The following CTNNA2 variants were observed in gnomAD, a reference collection of about 807,000 sequenced individuals.
The protein encoded by CTNNA2 is catenin alpha-2.
Under a neutral mutation model 101.0 loss-of-function variants are expected in CTNNA2, and 42 were observed. The observed-to-expected ratio is 0.42, with a 90% confidence interval of 0.32 to 0.54. The LOEUF (loss-of-function observed/expected upper bound fraction) is 0.54, where lower values mean the gene tolerates loss of function less well. Among genes scored for constraint, CTNNA2 ranks in the 20% least tolerant of loss-of-function variants. The pLI is 0.14. For missense variants in CTNNA2, 871 were observed against 1,223.1 expected (o/e 0.71, Z 4.29); for synonymous variants, 450 against 456.4 (o/e 0.99, Z 0.18).
At chr2:79,803,435 G>C (rs901684133) in intron 3 of CTNNA2, among the ~76,000 whole-genome samples, 1 of 152,210 alleles carries the variant, frequency 6.6e-6, no homozygotes, top group African/African-American at 2.4e-5. Context: ...CTAACTAAAA[G>C]TATCCCTTAT....
intron 1 of CTNNA2, among the ~76,000 whole-genome samples, chr2:79,521,478 A>T (rs1019121318): frequency 6.6e-6 from 1 of 151,998 alleles, no homozygotes; most frequent in Admixed American, 6.6e-5. Context: ...ACTGAATCAC[A>T]TGGACATTCC....
rs150805811 is a variant in CTNNA2 at position 79,995,702 on chromosome 2, C to A, written c.1056+85905C>A. Among the ~76,000 whole-genome samples the A allele has an allele frequency of 1.4e-3, 206 of 152,154 alleles. 2 individuals carry two copies. The East Asian group carries it at 0.037, about 27-fold the overall frequency. ...GGTGGTGCATCCCTGTGGTCCCAGGCAGTTGGTGGCTGAGGTGGGAGGATC... is the reference window on the plus strand; with the variant it reads ...GGTGGTGCATCCCTGTGGTCCCAGGAAGTTGGTGGCTGAGGTGGGAGGATC... On this transcript the variant is annotated intron_variant, in intron 7 of 18. Coordinates refer to ENST00000402739, the MANE Select transcript of CTNNA2 (RefSeq NM_001282597.3).
intron 7 of CTNNA2, among the ~76,000 whole-genome samples, chr2:80,283,711 G>A (rs556555418): frequency 6.0e-4 from 91 of 152,226 alleles, no homozygotes; most frequent in African/African-American, 2.0e-3. Context: ...GAGAGAAGCT[G>A]GAAAGAGTGC....
intron 3 of CTNNA2, among the ~76,000 whole-genome samples, chr2:79,794,602 G>A (rs778702096): frequency 3.9e-5 from 6 of 151,904 alleles, no homozygotes; most frequent in African/African-American, 7.3e-5. Context: ...AGATCTACCC[G>A]CTTAGCAAGT....
chr2:79,913,906 G>A (rs112161657), intron 7 of CTNNA2, among the ~76,000 whole-genome samples: 1,795 of 151,964 alleles, frequency 0.012, 13 homozygotes, highest in Middle Eastern at 0.034. Context: ...GGTGGCTCAC[G>A]CCTGTAATCC....
At chr2:79,678,969 G>A (rs867977814) in intron 2 of CTNNA2, among the ~76,000 whole-genome samples, 1 of 152,034 alleles carries the variant, frequency 6.6e-6, no homozygotes, top group Non-Finnish European at 1.5e-5. Flanking sequence ...GCTTTCACTG[G>A]CTCTCCCTCC....
In CTNNA2 at chr2:80,555,859, G is replaced by C; in HGVS notation, c.1707G>C (p.Lys569Asn). Reference sequence around the variant, plus strand: ...ATGAAGCTGGGGTTTATACTGAGAAGGTGTTGGAAGCTACAAAATTGCTTT... The same window carrying C: ...ATGAAGCTGGGGTTTATACTGAGAACGTGTTGGAAGCTACAAAATTGCTTT... Reference protein sequence around the residue: ...ENYEAGVYTEKVLEATKLLSE... With the variant: ...ENYEAGVYTENVLEATKLLSE... The change falls in exon 12 of 19, where the codon AAG becomes AAC. Residue 569 changes from lysine (K) to asparagine (N), a missense_variant. Physicochemically the swap from Lys to Asn is moderately conservative, Grantham distance 94 (BLOSUM62 0). Coordinates refer to ENST00000402739, the MANE Select transcript of CTNNA2 (RefSeq NM_001282597.3). 6.4e-7 allele frequency: 1 copy of C among 1,566,924 alleles called. No individual in the cohort carries two copies. Among genetic ancestry groups the C allele is most frequent in the African/African-American group, 1.4e-5 (1 of 73,564 alleles).
At chr2:79,631,214 T>A (rs1201588412) in intron 1 of CTNNA2, among the ~76,000 whole-genome samples, 1 of 152,216 alleles carries the variant, frequency 6.6e-6, no homozygotes, top group Admixed American at 6.5e-5. Flanking sequence ...TGGTAACTCT[T>A]GATTTTCCTT....
At chr2:79,241,032 T>C (rs957617368) in intron 2 of CTNNA2, among the ~76,000 whole-genome samples, 8 of 152,182 alleles carry the variant, frequency 5.3e-5, no homozygotes, top group Admixed American at 3.3e-4. Flanking sequence ...TGGTAAGGAA[T>C]TTTTCACAGA....
At chr2:80,419,826 A>T (rs1026701233) in intron 9 of CTNNA2, among the ~76,000 whole-genome samples, 1 of 151,938 alleles carries the variant, frequency 6.6e-6, no homozygotes, top group Admixed American at 6.6e-5. Context: ...GCTCTGAAAC[A>T]TATCTGCCAT....
At chr2:80,210,680 G>A (rs184413411) in intron 7 of CTNNA2, among the ~76,000 whole-genome samples, 1 of 152,154 alleles carries the variant, frequency 6.6e-6, no homozygotes, top group Non-Finnish European at 1.5e-5. Flanking sequence ...ACACATGTGT[G>A]CCTGTGTCTT....
At position 79,943,178 on chromosome 2, in the gene CTNNA2, T is replaced by C. The variant is rs549933518; in HGVS notation, c.1056+33381T>C. ...GTTGCAGTGAGCCGAAATCACGCAA[T>C]TGTATTCCAGCCTGGGCAACAAAAG... On this transcript the variant is annotated intron_variant, in intron 7 of 18. Coordinates refer to ENST00000402739, the MANE Select transcript of CTNNA2 (RefSeq NM_001282597.3). Among the ~76,000 whole-genome samples the C allele has an allele frequency of 7.2e-5, 11 of 152,086 alleles. No individual in the cohort carries two copies. In the South Asian group the frequency reaches 1.2e-3, roughly 17 times the overall value.
At position 79,610,215 on chromosome 2, in the gene CTNNA2, G is replaced by A. The variant is rs180732762; in HGVS notation, c.-5-41337G>A. Among the ~76,000 whole-genome samples the A allele has an allele frequency of 6.0e-4, 91 of 152,200 alleles. 1 individual carries two copies. The highest frequency in any genetic ancestry group is 5.0e-3 in the South Asian group (24 of 4,826). On this transcript the variant is annotated intron_variant, in intron 1 of 18. Coordinates refer to ENST00000402739, the MANE Select transcript of CTNNA2 (RefSeq NM_001282597.3). The stretch of plus-strand genomic sequence containing the variant: ...AGGATATGTAAATTAGAACCTTAAT[G>A]TGATACACACTATTCACACAATTAA...
At chr2:80,572,564 TAAG>T (rs1694691462) in intron 12 of CTNNA2, 1 of 152,216 alleles carries the variant, frequency 6.6e-6, no homozygotes, top group African/African-American at 2.4e-5. Context: ...TAATTATATT[TAAG>T]AAGATACTTA....
At chr2:79,673,707 T>A (rs752701288) in intron 2 of CTNNA2, among the ~76,000 whole-genome samples, 1 of 151,806 alleles carries the variant, frequency 6.6e-6, no homozygotes, top group Non-Finnish European at 1.5e-5. Flanking sequence ...AGAAAGAGAG[T>A]GTGTGTGTAT....
chr2:79,890,174 G>A (rs1389390216), intron 6 of CTNNA2, among the ~76,000 whole-genome samples: 1 of 152,146 alleles, frequency 6.6e-6, no homozygotes, highest in African/African-American at 2.4e-5. Flanking sequence ...TGCTCAGCGA[G>A]CACCTGGAAT....
At chr2:79,755,758 A>G in intron 3 of CTNNA2, among the ~76,000 whole-genome samples, 1 of 152,332 alleles carries the variant, frequency 6.6e-6, no homozygotes, top group South Asian at 2.1e-4. Context: ...CGTTATCAAC[A>G]TCATTTTAAT....
chr2:79,233,399 C>T (rs1674519743), intron 2 of CTNNA2, among the ~76,000 whole-genome samples: 1 of 152,124 alleles, frequency 6.6e-6, no homozygotes, highest in African/African-American at 2.4e-5. Flanking sequence ...ATTTTTATTG[C>T]ACTGTGTTCC....
At chr2:79,510,400 G>T (rs1003581762), upstream of CTNNA2, among the ~76,000 whole-genome samples, 5 of 152,172 alleles carry the variant, frequency 3.3e-5, no homozygotes, top group African/African-American at 1.2e-4. Context: ...CAAACAACAT[G>T]ATAGCATTTT....
Sources: allele counts gnomAD v4.1 joint callset (sites outside exome capture counted in the v4.1 genomes callset), GRCh38; gene constraint gnomAD v4.1.1; transcripts MANE v1.5; gene names NCBI Gene and HGNC (gene_info 2026-07-23, HGNC 2026-07-21).